MECOM: variants seen among roughly 807,000 people sequenced by gnomAD.
MECOM encodes MDS1 and EVI1 complex locus.
Under a neutral mutation model 116.3 loss-of-function variants are expected in MECOM, and 13 were observed. The observed-to-expected ratio is 0.11, with a 90% CI of 0.07 to 0.18. The LOEUF is 0.18. MECOM is among the 10% of genes least tolerant of loss of function. The pLI is 1.00. For synonymous variants in MECOM, 528 were observed against 535.2 expected, an observed-to-expected ratio of 0.99 and a Z score of 0.19; for missense variants, 1,299 against 1,509.0, an observed-to-expected ratio of 0.86 and a Z score of 2.31.
chr3:169,472,984 C>G (rs1749800087), intron 1 of MECOM: 1 of 983,264 alleles, frequency 1.0e-6, no homozygotes, highest in South Asian at 4.7e-5. Context: ...GTAGACACCA[C>G]CCAGATACCA....
At chr3:169,219,764 T>TAA (rs1751885434) in intron 2 of MECOM, among the ~76,000 whole-genome samples, 2 of 150,052 alleles carry the variant, frequency 1.3e-5, no homozygotes, top group African/African-American at 2.4e-5. Flanking sequence ...TGTATATATA[T>TAA]AATGGTATAT....
intron 1 of MECOM, 21 bp from the exon 2 acceptor site, chr3:169,381,545 C>G: frequency 6.6e-7 from 1 of 1,521,716 alleles, no homozygotes; most frequent in Non-Finnish European, 8.8e-7. Context: ...ATAAGAACTT[C>G]ATGAATTCCT....
At chr3:169,587,158 T>C (rs1765868590) in intron 1 of MECOM, among the ~76,000 whole-genome samples, 1 of 152,140 alleles carries the variant, frequency 6.6e-6, no homozygotes, top group African/African-American at 2.4e-5. Flanking sequence ...CCAACCAATA[T>C]TTATTGAGCA....
Position 169,513,758 on chromosome 3 carries a change from C to T in MECOM, c.38-132234G>A, listed in dbSNP as rs954199176. On this transcript the variant is annotated intron_variant, in intron 1 of 16. Transcript: ENST00000651503. Reference sequence around the variant, plus strand: ...GTACAATTTAAAGATGGACAATAATCATCTGTTATCTGGGTCACACTGACA... The same window carrying T: ...GTACAATTTAAAGATGGACAATAATTATCTGTTATCTGGGTCACACTGACA... Among the ~76,000 whole-genome samples the T allele has an allele frequency of 6.6e-5, 10 of 152,280 alleles. No homozygotes were observed. The East Asian group carries it at 1.9e-3, about 29-fold the overall frequency.
Position 169,122,692 on chromosome 3 carries a change from C to T in MECOM, c.866G>A (p.Arg289Lys), listed in dbSNP as rs1007646580. Reference protein sequence around the residue: ...EKHMLSHTEEREYKCDQCPKA... With the variant: ...EKHMLSHTEEKEYKCDQCPKA... ...GGGACACTGATCACACTTGTATTCC[C>T]TCTCTTCAGTATGTGACAGCATGTG... The change falls in exon 6 of 17, where the codon AGG becomes AAG. Residue 289 changes from arginine to lysine, a missense_variant. Physicochemically the swap from Arg to Lys is conservative, Grantham distance 26. Coordinates refer to ENST00000651503, the MANE Select transcript of MECOM (RefSeq NM_004991.4). The T allele has an allele frequency of 6.2e-6, 10 of 1,613,986 alleles. No individual in the cohort carries two copies. Among genetic ancestry groups the T allele is most frequent in the Non-Finnish European group, 8.5e-6 (10 of 1,179,894 alleles).
chr3:169,102,030 A>G, intron 11 of MECOM, 30 bp downstream of exon 11: 1 of 1,572,952 alleles, frequency 6.4e-7, no homozygotes, highest in Non-Finnish European at 8.6e-7. Flanking sequence ...AGATTTCTGG[A>G]AAGTCAGCCA....
chr3:169,502,571 C>G lies in MECOM; in HGVS notation c.38-121047G>C, dbSNP rs1030892703. On this transcript the variant is annotated intron_variant, in intron 1 of 16. Coordinates refer to ENST00000651503, the MANE Select transcript of MECOM (RefSeq NM_004991.4). ...AAATGCATAAATGTTAAGTAATTACCCAGAGTTGCTCAATGAACAAGAAAG... is the reference window on the plus strand; with the variant it reads ...AAATGCATAAATGTTAAGTAATTACGCAGAGTTGCTCAATGAACAAGAAAG... 2.6e-5 allele frequency among the ~76,000 whole-genome samples: 4 copies of G among 152,040 alleles called. 1 individual carries two copies. The highest frequency in any genetic ancestry group is 2.6e-4 in the Admixed American group (4 of 15,256).
intron 2 of MECOM, among the ~76,000 whole-genome samples, chr3:169,278,415 T>C (rs889690725): frequency 3.3e-5 from 5 of 152,250 alleles, no homozygotes; most frequent in African/African-American, 1.2e-4. Context: ...AGTAGTTGAA[T>C]ATAAACTTTA....
intron 2 of MECOM, among the ~76,000 whole-genome samples, chr3:169,177,833 G>A (rs1293353844): frequency 6.6e-6 from 1 of 151,740 alleles, no homozygotes; most frequent in Non-Finnish European, 1.5e-5. Context: ...CAGGAGAATT[G>A]CTTGAACCCG....
chr3:169,313,059 C>A lies in MECOM; in HGVS notation c.375+68128G>T, dbSNP rs114798935. On this transcript the variant is annotated intron_variant, in intron 2 of 16. Coordinates refer to ENST00000651503, the MANE Select transcript of MECOM (RefSeq NM_004991.4). ...AACCACAAAAGCAAGTTGAGACAAC[C>A]AGTGAAATAAGAAGAGAATCAAAAG... 1.9e-3 allele frequency among the ~76,000 whole-genome samples: 286 copies of A among 152,156 alleles called. 2 individuals are homozygous for A. The highest frequency in any genetic ancestry group is 2.0e-3 in the Non-Finnish European group (137 of 68,010).
intron 1 of MECOM, among the ~76,000 whole-genome samples, chr3:169,387,261 GA>G (rs948873380): frequency 1.8e-4 from 27 of 151,090 alleles, no homozygotes; most frequent in African/African-American, 6.1e-4. Flanking sequence ...GTGAAAAGCA[GA>G]AAAAAAAATG....
Position 169,084,235 on chromosome 3 carries a change from T to C in MECOM, c.*674A>G, listed in dbSNP as rs1716984286. On this transcript the variant is annotated 3_prime_UTR_variant, in exon 17 of 17. Transcript: ENST00000651503. ...CAATTTATTAGTGGTACAGCGGTAC[T>C]GGTGATGAATAGGTTACTTCACTGA... The C allele has an allele frequency of 4.3e-6, 1 of 231,732 alleles. No homozygotes were observed. The highest frequency in any genetic ancestry group is 6.1e-5 in the East Asian group (1 of 16,358). The allele number at this position is 231,732 out of a possible 1,614,324, so 14.4% of individuals were successfully genotyped here. A position where few individuals can be genotyped will look rare whatever the true frequency, so the allele number is the denominator to read the frequency against.
At chr3:169,433,693 A>AAGAAAGAAAGAAAGAAAG (rs1560269065) in intron 1 of MECOM, among the ~76,000 whole-genome samples, 10 of 136,692 alleles carry the variant, frequency 7.3e-5, no homozygotes, top group East Asian at 2.1e-4. Context: ...AAGAAAGAGA[A>AAGAAAGAAAGAAAGAAAG]AGAAAGAAAA....
chr3:169,129,081 T>C (rs1024142713), intron 4 of MECOM, among the ~76,000 whole-genome samples: 1 of 152,174 alleles, frequency 6.6e-6, no homozygotes, highest in Admixed American at 6.5e-5. Context: ...GGGGAATACT[T>C]TAGTCCAAGA....
chr3:169,504,188 T>A (rs920021719), intron 1 of MECOM, among the ~76,000 whole-genome samples: 9 of 143,280 alleles, frequency 6.3e-5, no homozygotes, highest in African/African-American at 2.4e-4. Context: ...TGTGTGTGTG[T>A]GTGTTTAAAT....
At chr3:169,123,329 CAT>C (rs201277472) in intron 5 of MECOM, among the ~76,000 whole-genome samples, 1 of 139,232 alleles carries the variant, frequency 7.2e-6, no homozygotes, top group Non-Finnish European at 1.6e-5. Flanking sequence ...GTGTGTGTAT[CAT>C]ATATATATAT....
chr3:169,282,801 C>T (rs1384783256), intron 2 of MECOM, among the ~76,000 whole-genome samples: 1 of 151,592 alleles, frequency 6.6e-6, no homozygotes, highest in Non-Finnish European at 1.5e-5. Flanking sequence ...AATTATGCTA[C>T]TGTACTAATA....
At chr3:169,129,850 A>C (rs1577076435) in intron 4 of MECOM, among the ~76,000 whole-genome samples, 1 of 152,186 alleles carries the variant, frequency 6.6e-6, no homozygotes, top group South Asian at 2.1e-4. Context: ...GTTTCCCTAT[A>C]TGTAAAATGG....
rs528079568 is a variant in MECOM at position 169,417,836 on chromosome 3, T to C, written c.38-36312A>G. On this transcript the variant is annotated intron_variant, in intron 1 of 16. Transcript: ENST00000651503. ...CACGGATGAAATTGGAAATCATCAT[T>C]CTCAGCAAACTATCGCAAGAACAAA... Among the ~76,000 whole-genome samples the C allele has an allele frequency of 5.3e-5, 8 of 152,130 alleles. No homozygotes were observed. In the South Asian group the frequency reaches 1.5e-3, roughly 28 times the overall value.
Sources: gnomAD v4.1 joint callset for allele counts (sites outside exome capture counted in the v4.1 genomes callset) on GRCh38, gnomAD v4.1.1 for gene constraint, MANE v1.5 for transcripts, NCBI Gene and HGNC (gene_info 2026-07-23, HGNC 2026-07-21) for gene names.